CDK7: variants seen among roughly 807,000 people sequenced by gnomAD.
CDK7 encodes cyclin-dependent kinase 7.
In CDK7, 25 loss-of-function variants were observed where a neutral mutation model predicts 49.1. The observed-to-expected ratio is 0.51, with a 90% CI of 0.37 to 0.71. The LOEUF is 0.71. Among genes scored for constraint, CDK7 ranks in the 30% least tolerant of loss-of-function variants. The pLI is 0.00. For synonymous variants in CDK7, 107 were observed against 140.0 expected, an observed-to-expected ratio of 0.76 and a Z score of 1.67; for missense variants, 316 against 411.7, an observed-to-expected ratio of 0.77 and a Z score of 2.01.
chr5:69,268,232 A>G (rs1751288687), intron 8 of CDK7, among the ~76,000 whole-genome samples: 1 of 152,186 alleles, frequency 6.6e-6, no homozygotes, highest in South Asian at 2.1e-4. Flanking sequence ...CATGTGGTCT[A>G]GGATCTCGTA....
At chr5:69,256,397 G>A (rs1037653934) in intron 5 of CDK7, among the ~76,000 whole-genome samples, 3 of 151,680 alleles carry the variant, frequency 2.0e-5, no homozygotes, top group African/African-American at 7.3e-5. Flanking sequence ...TTTGTTACCC[G>A]TGCTGGAGTA....
intron 9 of CDK7, among the ~76,000 whole-genome samples, chr5:69,270,066 CAAA>C (rs768838177): frequency 3.0e-5 from 2 of 65,580 alleles, no homozygotes; most frequent in Non-Finnish European, 3.2e-5. Context: ...ACTCTGTCTC[CAAA>C]AAAAAAAAAA....
intron 5 of CDK7, among the ~76,000 whole-genome samples, chr5:69,257,454 C>T (rs1750561128): frequency 6.6e-6 from 1 of 152,196 alleles, no homozygotes; most frequent in Non-Finnish European, 1.5e-5. Context: ...GCTCCATTTT[C>T]TTCTCTGTTG....
chr5:69,269,140 CTA>C, intron 8 of CDK7, 65 bp from the exon 9 acceptor site: 1 of 1,050,044 alleles, frequency 9.5e-7, no homozygotes, highest in Non-Finnish European at 1.4e-6. Flanking sequence ...CTCTGTCTCT[CTA>C]AAAAAAGAAA....
intron 5 of CDK7, among the ~76,000 whole-genome samples, chr5:69,256,597 TC>T (rs1750506590): frequency 5.3e-5 from 8 of 152,086 alleles, no homozygotes; most frequent in Admixed American, 5.2e-4. Flanking sequence ...TGCCTGAGCC[TC>T]CCAAAGTGCT....
chr5:69,237,565 A>G (rs1471501453), intron 2 of CDK7, among the ~76,000 whole-genome samples: 2 of 152,108 alleles, frequency 1.3e-5, no homozygotes. Context: ...GAAATTTGAA[A>G]TCCTCCTATC....
intron 8 of CDK7, among the ~76,000 whole-genome samples, chr5:69,263,563 A>G (rs1356997121): frequency 6.6e-6 from 1 of 152,188 alleles, no homozygotes; most frequent in Admixed American, 6.5e-5. Context: ...TCTGTGCATC[A>G]TTTTGAGAAA....
intron 8 of CDK7, among the ~76,000 whole-genome samples, chr5:69,264,902 G>A (rs1426699491): frequency 1.3e-5 from 2 of 151,670 alleles, no homozygotes; most frequent in Non-Finnish European, 2.9e-5. Flanking sequence ...CCCGGGATGT[G>A]GAGGTTGCAG....
rs183766675 is a variant in CDK7 at position 69,245,799 on chromosome 5, T to C, written c.127-6619T>C. 3.0e-3 allele frequency among the ~76,000 whole-genome samples: 462 copies of C among 152,352 alleles called. 2 individuals are homozygous for C. Among genetic ancestry groups the C allele is most frequent in the Non-Finnish European group, 5.3e-3 (358 of 68,024 alleles). Reference sequence around the variant, plus strand: ...TTGGTAGGTTGTTTGTGTCTAGGAATGTATCTGTTTCTTCTAGGTTTTCCA... The same window carrying C: ...TTGGTAGGTTGTTTGTGTCTAGGAACGTATCTGTTTCTTCTAGGTTTTCCA... On this transcript the variant is annotated intron_variant, in intron 2 of 11. Coordinates refer to ENST00000256443, the MANE Select transcript of CDK7 (RefSeq NM_001799.4).
At chr5:69,265,561 T>C (rs1194076527) in intron 8 of CDK7, among the ~76,000 whole-genome samples, 2 of 152,222 alleles carry the variant, frequency 1.3e-5, no homozygotes, top group African/African-American at 2.4e-5. Context: ...TAGAATTCTT[T>C]GCCTGTTCAT....
chr5:69,250,845 T>A (rs1224165294), intron 2 of CDK7: 1 of 456,588 alleles, frequency 2.2e-6, no homozygotes, highest in Admixed American at 2.3e-5. Flanking sequence ...AGGCCCTGGT[T>A]ACCACTGCTG....
At position 69,258,142 on chromosome 5, in the gene CDK7, A is replaced by G. The variant is rs368422893; in HGVS notation, c.397A>G (p.Ile133Val). Residue 133 changes from isoleucine to valine, a missense_variant, in exon 6 of 12, where the codon ATC becomes GTC. Physicochemically the swap from Ile to Val is conservative, Grantham distance 29. Coordinates refer to ENST00000256443, the MANE Select transcript of CDK7 (RefSeq NM_001799.4). ...ATTAGAATATTTACATCAACATTGG[A>G]TCCTACATAGGGTAAGGTTTTTAAT... Reference protein sequence around the residue: ...QGLEYLHQHWILHRDLKPNNL... With the variant: ...QGLEYLHQHWVLHRDLKPNNL... 1 of 1,524,688 alleles carries G rather than the reference A, an allele frequency of 6.6e-7. No homozygotes were observed. Among genetic ancestry groups the G allele is most frequent in the African/African-American group, 1.4e-5 (1 of 72,392 alleles). 94.4% of individuals were successfully genotyped at this position (1,524,688 alleles called of 1,614,324 possible). A position where few individuals can be genotyped will look rare whatever the true frequency, so the allele number is the denominator to read the frequency against.
In CDK7 at chr5:69,254,618, C is replaced by T. The variant is rs757775175; in HGVS notation, c.177C>T (p.Ala59=). 1.3e-5 allele frequency: 19 copies of T among 1,511,584 alleles called. No homozygotes were observed. The highest frequency in any genetic ancestry group is 2.3e-5 in the South Asian group (2 of 88,886). The allele number at this position is 1,511,584 out of a possible 1,614,324, so 93.6% of individuals were successfully genotyped here. A position where few individuals can be genotyped will look rare whatever the true frequency, so the allele number is the denominator to read the frequency against. ...SEAKDGINRT[A]LREIKLLQEL... ...TTTATATAGGTATAAATAGAACCGC[C>T]TTAAGAGAGATAAAATTATTACAGG... Residue 59 remains alanine, a synonymous_variant, in exon 4 of 12, where the codon GCC becomes GCT. Coordinates refer to ENST00000256443, the MANE Select transcript of CDK7 (RefSeq NM_001799.4).
chr5:69,257,907 C>T (rs534302872), intron 5 of CDK7, 136 bp from the exon 6 acceptor site: 12 of 618,940 alleles, frequency 1.9e-5, no homozygotes, highest in Non-Finnish European at 3.4e-5. Context: ...GACAGGGCTT[C>T]CTGAGGAAAC....
chr5:69,258,270 C>T, intron 6 of CDK7, 117 bp downstream of exon 6: 2 of 566,682 alleles, frequency 3.5e-6, no homozygotes, highest in Non-Finnish European at 6.2e-6. Flanking sequence ...CTGTTTTATC[C>T]CATCTTTTTG....
chr5:69,252,495 T>TG, intron 3 of CDK7, 44 bp downstream of exon 3: 1 of 20,098 alleles, frequency 5.0e-5, no homozygotes. Flanking sequence ...AGTTTTCTCC[T>TG]TTTTTTTTTT....
intron 7 of CDK7, among the ~76,000 whole-genome samples, chr5:69,261,001 T>C (rs1297594167): frequency 1.3e-5 from 2 of 152,078 alleles, no homozygotes; most frequent in African/African-American, 2.4e-5. Flanking sequence ...AAAGTTTTTA[T>C]AGAGATGGGT....
At chr5:69,262,673 A>AG (rs1173756399) in intron 8 of CDK7, among the ~76,000 whole-genome samples, 1 of 151,624 alleles carries the variant, frequency 6.6e-6, no homozygotes, top group Non-Finnish European at 1.5e-5. Context: ...CATCTCAAAA[A>AG]AAAAAAAAAA....
chr5:69,251,841 T>C (rs1750167197), intron 2 of CDK7, among the ~76,000 whole-genome samples: 1 of 152,218 alleles, frequency 6.6e-6, no homozygotes, highest in African/African-American at 2.4e-5. Context: ...GCCAGTCTTT[T>C]CTTGATTACT....
Sources: gnomAD v4.1 joint callset for allele counts (sites outside exome capture counted in the v4.1 genomes callset) on GRCh38, gnomAD v4.1.1 for gene constraint, MANE v1.5 for transcripts, NCBI Gene and HGNC (gene_info 2026-07-23, HGNC 2026-07-21) for gene names.